The following CTNNA3 variants were observed in gnomAD, a reference collection of about 807,000 sequenced individuals.
The protein encoded by CTNNA3 is catenin alpha 3, also known as catenin alpha-3.
CTNNA3 carries 76 observed loss-of-function variants against 95.7 expected under a neutral mutation model. That is an observed-to-expected ratio of 0.79 (90% CI 0.66 to 0.96). CTNNA3 has a LOEUF of 0.96. Among genes scored for constraint, CTNNA3 ranks in the 40% least tolerant of loss-of-function variants. The pLI is 0.00. For missense variants in CTNNA3, 1,191 were observed against 1,089.8 expected (o/e 1.09, Z -1.31); for synonymous variants, 431 against 374.4 (o/e 1.15, Z -1.74).
At chr10:67,123,296 T>C (rs1859555664) in intron 7 of CTNNA3, among the ~76,000 whole-genome samples, 2 of 152,146 alleles carry the variant, frequency 1.3e-5, no homozygotes, top group South Asian at 4.1e-4. Context: ...AAATATTTAT[T>C]GAGTATCTGC....
At chr10:66,806,756 A>ATG (rs57749652) in intron 7 of CTNNA3, among the ~76,000 whole-genome samples, 4,625 of 145,718 alleles carry the variant, frequency 0.032, 95 homozygotes, top group African/African-American at 0.061. Flanking sequence ...TGTGGCATAT[A>ATG]TGTGTGTGTG....
intron 7 of CTNNA3, among the ~76,000 whole-genome samples, chr10:66,894,651 T>G (rs923782837): frequency 2.6e-5 from 4 of 152,078 alleles, no homozygotes; most frequent in Non-Finnish European, 5.9e-5. Flanking sequence ...AATTTTCTTA[T>G]TCCTCATATT....
intron 1 of CTNNA3, among the ~76,000 whole-genome samples, chr10:67,716,118 T>C (rs910638045): frequency 6.6e-6 from 1 of 152,190 alleles, no homozygotes; most frequent in Admixed American, 6.5e-5. Flanking sequence ...ATTATTAAAA[T>C]CAATTCATGT....
At chr10:66,843,049 C>A (rs764152127) in intron 7 of CTNNA3, among the ~76,000 whole-genome samples, 1 of 152,148 alleles carries the variant, frequency 6.6e-6, no homozygotes, top group Non-Finnish European at 1.5e-5. Flanking sequence ...TTCCAGAACT[C>A]TCTCCCCTAG....
At chr10:67,715,398 A>G (rs941997363) in intron 1 of CTNNA3, among the ~76,000 whole-genome samples, 13 of 152,260 alleles carry the variant, frequency 8.5e-5, no homozygotes, top group African/African-American at 2.6e-4. Context: ...AGACTAGGAG[A>G]ACTGACCAAA....
At chr10:66,206,268 T>G (rs547612122) in intron 13 of CTNNA3, among the ~76,000 whole-genome samples, 1 of 152,078 alleles carries the variant, frequency 6.6e-6, no homozygotes, top group Admixed American at 6.6e-5. Context: ...TCACTATTTC[T>G]GGGATATTAT....
chr10:66,290,987 T>C (rs183823426), intron 12 of CTNNA3, among the ~76,000 whole-genome samples: 2 of 152,286 alleles, frequency 1.3e-5, no homozygotes, highest in Non-Finnish European at 2.9e-5. Context: ...AAGCCTCAGA[T>C]CAGGATTACA....
Position 66,847,575 on chromosome 10 carries a change from A to G in CTNNA3, c.1048-72051T>C, listed in dbSNP as rs1478932445. On this transcript the variant is annotated intron_variant, in intron 7 of 17. Coordinates refer to ENST00000433211, the MANE Select transcript of CTNNA3 (RefSeq NM_013266.4). ...AGTGCTTCAATTCCTCATCATTAAA[A>G]TAATACTCATCTCAGAAGTTGGCTG... Among the ~76,000 whole-genome samples, 6 of 152,316 alleles carry G rather than the reference A, an allele frequency of 3.9e-5. No individual in the cohort carries two copies. In the East Asian group the frequency reaches 7.7e-4, roughly 20 times the overall value.
intron 8 of CTNNA3, among the ~76,000 whole-genome samples, chr10:66,774,569 C>CTATT (rs10675136): frequency 0.85 from 129,739 of 151,836 alleles, 55,777 homozygotes; most frequent in East Asian, 1. Context: ...CTGGAGATCT[C>CTATT]TATTCCATTT....
At chr10:67,059,583 G>A (rs1855640177) in intron 7 of CTNNA3, among the ~76,000 whole-genome samples, 1 of 152,108 alleles carries the variant, frequency 6.6e-6, no homozygotes, top group Admixed American at 6.6e-5. Flanking sequence ...GAGTCTTAAA[G>A]GATTTTTAAA....
intron 5 of CTNNA3, among the ~76,000 whole-genome samples, chr10:67,502,913 G>T (rs1417487524): frequency 6.6e-6 from 1 of 152,202 alleles, no homozygotes; most frequent in African/African-American, 2.4e-5. Flanking sequence ...CTCTGTTGGG[G>T]TGGGATCCGC....
intron 12 of CTNNA3, among the ~76,000 whole-genome samples, chr10:66,298,020 A>G (rs185546752): frequency 8.7e-4 from 132 of 152,326 alleles, no homozygotes; most frequent in African/African-American, 3.1e-3. Flanking sequence ...ATAATTTGTA[A>G]TAAACTGCAT....
At chr10:67,232,448 G>C (rs915983927) in intron 5 of CTNNA3, among the ~76,000 whole-genome samples, 1,531 of 152,110 alleles carry the variant, frequency 0.01, 16 homozygotes, top group African/African-American at 0.024. Context: ...ATACTTTACA[G>C]AGAAGCAAAT....
intron 2 of CTNNA3, among the ~76,000 whole-genome samples, chr10:67,611,353 G>A (rs1192973753): frequency 5.3e-5 from 8 of 150,722 alleles, no homozygotes; most frequent in Admixed American, 2.0e-4. Context: ...TCACTCTGTC[G>A]CCCAGGCTGG....
chr10:66,519,727 G>T (rs932584837), intron 11 of CTNNA3, among the ~76,000 whole-genome samples: 61 of 152,174 alleles, frequency 4.0e-4, no homozygotes, highest in African/African-American at 1.5e-3. Flanking sequence ...TACATATGTT[G>T]ATTGATGTCT....
intron 5 of CTNNA3, among the ~76,000 whole-genome samples, chr10:67,497,209 T>C (rs775094487): frequency 3.3e-5 from 5 of 152,212 alleles, no homozygotes; most frequent in Admixed American, 3.3e-4. Flanking sequence ...TGTAATAGTT[T>C]GCTGAGAATA....
At chr10:67,414,079 T>C (rs903591581) in intron 5 of CTNNA3, among the ~76,000 whole-genome samples, 6 of 151,706 alleles carry the variant, frequency 4.0e-5, no homozygotes, top group Admixed American at 1.3e-4. Context: ...AAGAAATAAC[T>C]AAAATTAAAG....
intron 9 of CTNNA3, among the ~76,000 whole-genome samples, chr10:66,676,256 G>A (rs78953530): frequency 0.015 from 2,216 of 152,112 alleles, 67 homozygotes; most frequent in African/African-American, 0.047. Flanking sequence ...GCTGGGATAG[G>A]AAAAGGTATT....
At chr10:66,855,257 G>A (rs182195115) in intron 7 of CTNNA3, among the ~76,000 whole-genome samples, 6 of 151,884 alleles carry the variant, frequency 4.0e-5, no homozygotes, top group South Asian at 2.1e-4. Flanking sequence ...TTTGTAAATC[G>A]TGGCATAACT....
Sources: gnomAD v4.1 joint callset for allele counts (sites outside exome capture counted in the v4.1 genomes callset) on GRCh38, gnomAD v4.1.1 for gene constraint, MANE v1.5 for transcripts, NCBI Gene and HGNC (gene_info 2026-07-23, HGNC 2026-07-21) for gene names.